The following PLEKHH2 variants were observed in gnomAD, a reference collection of about 807,000 sequenced individuals.
PLEKHH2 encodes the protein pleckstrin homology domain-containing family H member 2.
Under a neutral mutation model 187.9 loss-of-function variants are expected in PLEKHH2, and 129 were observed. The observed-to-expected ratio is 0.69, with a 90% CI of 0.59 to 0.79. The LOEUF (loss-of-function observed/expected upper bound fraction) is 0.79, where lower values mean the gene tolerates loss of function less well. PLEKHH2 is among the 30% of genes least tolerant of loss of function. The pLI is 0.00. For missense variants in PLEKHH2, 2,076 were observed against 1,751.2 expected, an observed-to-expected ratio of 1.19 and a Z score of -3.31; for synonymous variants, 686 against 605.6, an observed-to-expected ratio of 1.13 and a Z score of -1.95.
At chr2:43,682,513 G>T (rs1003596472) in intron 3 of PLEKHH2, among the ~76,000 whole-genome samples, 2 of 152,034 alleles carry the variant, frequency 1.3e-5, no homozygotes, top group Admixed American at 1.3e-4. Context: ...CACCATGTTG[G>T]CCAGGCTGGT....
rs1668862855 is a variant in PLEKHH2 at position 43,692,648 on chromosome 2, G to A, written c.321G>A (p.Leu107=). The change falls in exon 4 of 30, where the codon TTG becomes TTA. Residue 107 remains leucine (L), a synonymous_variant. Transcript: ENST00000282406. ...ATGACGTCATTCAAAACTTGGAATT[G>A]CAACTTGAAGAGCAGGTTAGGAAGA... ...EKDDVIQNLE[L]QLEEQKQIRI... is the part of the protein sequence containing the mutation. 1 of 1,612,678 alleles carries A rather than the reference G, an allele frequency of 6.2e-7. No individual in the cohort carries two copies. Among genetic ancestry groups the A allele is most frequent in the Non-Finnish European group, 8.5e-7 (1 of 1,179,280 alleles).
rs35454431 is a variant in PLEKHH2 at position 43,654,564 on chromosome 2, C to CTTT, written c.123+9785_123+9787dup. 7.0e-4 allele frequency among the ~76,000 whole-genome samples: 89 copies of CTTT among 126,466 alleles called. 2 individuals are homozygous for CTTT. The highest frequency in any genetic ancestry group is 2.7e-3 in the African/African-American group (87 of 32,470). The allele number at this position is 126,466 out of a possible 152,430, so 83.0% of individuals were successfully genotyped here. On this transcript the variant is annotated intron_variant, in intron 2 of 29. Coordinates refer to ENST00000282406, the MANE Select transcript of PLEKHH2 (RefSeq NM_172069.4). ...CCACTTAAAACTCTTAACTCCTTAA[C>CTTT]TTTTTTTTTTTTTTTTTTTAATGGC...
chr2:43,667,243 A>C (rs756706178), intron 2 of PLEKHH2, among the ~76,000 whole-genome samples: 1 of 152,176 alleles, frequency 6.6e-6, no homozygotes, highest in Non-Finnish European at 1.5e-5. Context: ...TTACCTGGAC[A>C]TCTTTTCATA....
At chr2:43,756,155 G>T (rs565992833) in intron 25 of PLEKHH2, among the ~76,000 whole-genome samples, 1 of 152,130 alleles carries the variant, frequency 6.6e-6, no homozygotes, top group African/African-American at 2.4e-5. Flanking sequence ...CTCTATTCCC[G>T]GGATTAATGC....
Position 43,765,878 on chromosome 2 carries a change from C to T in PLEKHH2, c.*280C>T, listed in dbSNP as rs1207501422. 3.4e-5 allele frequency: 11 copies of T among 324,964 alleles called. No homozygotes were observed. Among genetic ancestry groups the T allele is most frequent in the Admixed American group, 4.7e-5 (1 of 21,350 alleles). The allele number at this position is 324,964 out of a possible 1,614,324, so 20.1% of individuals were successfully genotyped here. On this transcript the variant is annotated 3_prime_UTR_variant, in exon 30 of 30. Coordinates refer to ENST00000282406, the MANE Select transcript of PLEKHH2 (RefSeq NM_172069.4). Reference sequence around the variant, plus strand: ...CTCCCTTCTCCCTTGTCATCAGACACATTGTGCAATGTGGCTTTTCTTTTC... The same window carrying T: ...CTCCCTTCTCCCTTGTCATCAGACATATTGTGCAATGTGGCTTTTCTTTTC...
intron 16 of PLEKHH2, among the ~76,000 whole-genome samples, chr2:43,725,117 A>G (rs889178906): frequency 1.3e-5 from 2 of 152,220 alleles, no homozygotes; most frequent in Non-Finnish European, 2.9e-5. Context: ...GGGATATCTT[A>G]TCCTCCTGAT....
Position 43,695,167 on chromosome 2 carries a change from C to T in PLEKHH2, c.445C>T (p.Arg149Cys), listed in dbSNP as rs374128785. Residue 149 changes from arginine (R) to cysteine (C), a missense_variant, in exon 6 of 30, where the codon CGT becomes TGT. By Grantham distance (180) the Arg-to-Cys change is radical. Coordinates refer to ENST00000282406, the MANE Select transcript of PLEKHH2 (RefSeq NM_172069.4). ...GCTGGAATTGGAGAATCAGAATCTTCGTTTGATCAACCAAAACCAAACTGA... is the reference window on the plus strand; with the variant it reads ...GCTGGAATTGGAGAATCAGAATCTTTGTTTGATCAACCAAAACCAAACTGA... ...NELELENQNL[R>C]LINQNQTEEI... 1.1e-5 allele frequency: 18 copies of T among 1,596,776 alleles called. No homozygotes were observed. Among genetic ancestry groups the T allele is most frequent in the Middle Eastern group, 3.4e-4 (2 of 5,854 alleles).
chr2:43,655,066 G>A (rs1298638642), intron 2 of PLEKHH2, among the ~76,000 whole-genome samples: 1 of 151,550 alleles, frequency 6.6e-6, no homozygotes, highest in Admixed American at 6.6e-5. Context: ...AATTAGCCAG[G>A]TGTGGTGTGC....
intron 7 of PLEKHH2, among the ~76,000 whole-genome samples, 182 bp downstream of exon 7, chr2:43,697,538 T>C (rs2104478051): frequency 6.6e-6 from 1 of 152,362 alleles, no homozygotes; most frequent in East Asian, 1.9e-4. Context: ...TTGTGTTTTC[T>C]GAGAGCCTTT....
chr2:43,725,433 C>T (rs750344831), intron 16 of PLEKHH2, among the ~76,000 whole-genome samples: 2 of 152,208 alleles, frequency 1.3e-5, no homozygotes, highest in Admixed American at 6.5e-5. Flanking sequence ...CTTCCCCCCT[C>T]CTTCTGTGCC....
intron 3 of PLEKHH2, among the ~76,000 whole-genome samples, chr2:43,686,962 C>T (rs1263151357): frequency 8.7e-6 from 1 of 115,446 alleles, no homozygotes; most frequent in Non-Finnish European, 1.8e-5. Flanking sequence ...GGCCATGTCC[C>T]CCCTTCTCTC....
intron 3 of PLEKHH2, chr2:43,680,886 G>T (rs2104432975): frequency 1.7e-6 from 1 of 571,680 alleles, no homozygotes; most frequent in South Asian, 2.1e-5. Context: ...CATTTGACAA[G>T]TAGAATTTCT....
chr2:43,710,278 A>G lies in PLEKHH2; in HGVS notation c.2162A>G (p.Lys721Arg), dbSNP rs761371609. The G allele has an allele frequency of 1.2e-6, 2 of 1,614,072 alleles. No homozygotes were observed. The highest frequency in any genetic ancestry group is 2.7e-5 in the African/African-American group (2 of 74,926). ...ATGAGTGGTAAAGTCAAGTCTTGGA[A>G]GCGGCGGTGGTTTGTTCTTAAAGGT... Reference protein sequence around the residue: ...LKMSGKVKSWKRRWFVLKGGE... With the variant: ...LKMSGKVKSWRRRWFVLKGGE... Residue 721 changes from lysine to arginine, a missense_variant, in exon 13 of 30, where the codon AAG becomes AGG. By Grantham distance (26) the Lys-to-Arg change is conservative. Transcript: ENST00000282406.
chr2:43,641,930 C>T (rs561660421), intron 1 of PLEKHH2, among the ~76,000 whole-genome samples: 34 of 152,242 alleles, frequency 2.2e-4, no homozygotes, highest in Middle Eastern at 3.4e-3. Context: ...GTGAGTCCTC[C>T]AACTTTTCAA....
At chr2:43,715,910 G>A (rs1670188378) in intron 15 of PLEKHH2, among the ~76,000 whole-genome samples, 1 of 152,154 alleles carries the variant, frequency 6.6e-6, no homozygotes, top group Non-Finnish European at 1.5e-5. Flanking sequence ...AAATTATGTA[G>A]GGCAGGGGAG....
chr2:43,651,559 A>C (rs1447320486), intron 2 of PLEKHH2, among the ~76,000 whole-genome samples: 1 of 151,270 alleles, frequency 6.6e-6, no homozygotes, highest in Non-Finnish European at 1.5e-5. Flanking sequence ...TTCAGCTAAG[A>C]TTTTTGTGTC....
intron 2 of PLEKHH2, among the ~76,000 whole-genome samples, chr2:43,677,029 A>G (rs193018341): frequency 1.3e-5 from 2 of 152,148 alleles, no homozygotes; most frequent in East Asian, 3.8e-4. Flanking sequence ...CACTGAAGAA[A>G]ATTCTATTGA....
At chr2:43,648,501 T>G (rs1228007860) in intron 2 of PLEKHH2, among the ~76,000 whole-genome samples, 18 of 148,326 alleles carry the variant, frequency 1.2e-4, no homozygotes, top group Admixed American at 1.2e-3. Flanking sequence ...TTCCTGTGTC[T>G]TTCTGAATGG....
intron 2 of PLEKHH2, among the ~76,000 whole-genome samples, chr2:43,678,602 C>T (rs577592739): frequency 3.9e-5 from 6 of 152,022 alleles, no homozygotes; most frequent in African/African-American, 7.2e-5. Flanking sequence ...CGCAGGCACT[C>T]GGCAGGCTGA....
Sources: gnomAD v4.1 joint callset for allele counts (sites outside exome capture counted in the v4.1 genomes callset) on GRCh38, gnomAD v4.1.1 for gene constraint, MANE v1.5 for transcripts, NCBI Gene and HGNC (gene_info 2026-07-23, HGNC 2026-07-21) for gene names.